FMN2: variants seen among roughly 807,000 people sequenced by gnomAD.
FMN2 encodes formin-2.
FMN2 carries 51 observed loss-of-function variants against 142.3 expected under a neutral mutation model. The ratio of observed to expected loss-of-function variants is 0.36; its 90% confidence interval spans 0.29 to 0.45. The LOEUF is 0.45. Among genes scored for constraint, FMN2 ranks in the 20% least tolerant of loss-of-function variants. FMN2 has a pLI of 1.00. For synonymous variants in FMN2, 882 were observed against 869.8 expected (o/e 1.01, Z -0.25); for missense variants, 1,936 against 2,122.8 (o/e 0.91, Z 1.73).
At chr1:240,233,238 G>A (rs544927236) in intron 6 of FMN2, among the ~76,000 whole-genome samples, 23 of 151,842 alleles carry the variant, frequency 1.5e-4, no homozygotes, top group African/African-American at 4.8e-5. Context: ...AAAATTATCC[G>A]GGCTTGGTGG....
At chr1:240,143,865 T>C (rs1571977978) in intron 2 of FMN2, 2 of 1,586,404 alleles carry the variant, frequency 1.3e-6, no homozygotes, top group East Asian at 2.2e-5. Flanking sequence ...GAATCTCCCA[T>C]CACAGGCAGC....
intron 2 of FMN2, among the ~76,000 whole-genome samples, chr1:240,164,997 G>A (rs1664422289): frequency 6.6e-6 from 1 of 151,714 alleles, no homozygotes; most frequent in Non-Finnish European, 1.5e-5. Context: ...CCATCCTTTT[G>A]ACTCCATTTC....
At chr1:240,165,243 A>G (rs1290011867) in intron 2 of FMN2, among the ~76,000 whole-genome samples, 1 of 152,184 alleles carries the variant, frequency 6.6e-6, no homozygotes, top group African/African-American at 2.4e-5. Context: ...TGGTGCGATC[A>G]TAGCTCACTG....
chr1:240,394,201 C>G (rs1450366908), intron 15 of FMN2, among the ~76,000 whole-genome samples: 1 of 152,078 alleles, frequency 6.6e-6, no homozygotes, highest in Non-Finnish European at 1.5e-5. Flanking sequence ...GTCTTGGAAG[C>G]CTGATGGTTG....
chr1:240,425,333 A>G (rs1255525939), intron 15 of FMN2, among the ~76,000 whole-genome samples: 2 of 152,024 alleles, frequency 1.3e-5, no homozygotes, highest in Non-Finnish European at 2.9e-5. Flanking sequence ...AGAAGCGAAA[A>G]CTCGGTAGGT....
intron 2 of FMN2, chr1:240,144,105 C>T: frequency 8.8e-7 from 1 of 1,135,254 alleles, no homozygotes; most frequent in Non-Finnish European, 1.3e-6. Flanking sequence ...CTGAATGAGG[C>T]CACCATCCAC....
chr1:240,193,678 C>T (rs1161417048), intron 4 of FMN2, among the ~76,000 whole-genome samples: 1 of 152,246 alleles, frequency 6.6e-6, no homozygotes, highest in African/African-American at 2.4e-5. Flanking sequence ...GTTTTGCTTT[C>T]CTTCTCCCGG....
intron 16 of FMN2, chr1:240,472,156 A>G (rs190820262): frequency 7.7e-5 from 37 of 483,358 alleles, no homozygotes; most frequent in South Asian, 6.0e-4. Flanking sequence ...CAATCATACT[A>G]TGATTCCAAG....
At chr1:240,388,569 C>T (rs2103092357) in intron 14 of FMN2, among the ~76,000 whole-genome samples, 1 of 152,040 alleles carries the variant, frequency 6.6e-6, no homozygotes. Flanking sequence ...TGCCCTTGGC[C>T]AGTGATGTCC....
chr1:240,123,857 C>G (rs572354017), intron 2 of FMN2, among the ~76,000 whole-genome samples: 1 of 152,294 alleles, frequency 6.6e-6, no homozygotes, highest in African/African-American at 2.4e-5. Flanking sequence ...TGGCAACAAC[C>G]ATTCTCTTTC....
intron 2 of FMN2, among the ~76,000 whole-genome samples, chr1:240,158,887 A>G (rs1441247099): frequency 6.6e-6 from 1 of 152,140 alleles, no homozygotes; most frequent in Admixed American, 6.6e-5. Flanking sequence ...TATGTTTCAT[A>G]TTGTATTTAT....
At chr1:240,247,632 A>C (rs1459570119) in intron 6 of FMN2, among the ~76,000 whole-genome samples, 5 of 152,224 alleles carry the variant, frequency 3.3e-5, no homozygotes, top group African/African-American at 1.2e-4. Flanking sequence ...TGCAGATATC[A>C]GCATTTTTAG....
In FMN2 at chr1:240,207,022, G is replaced by A; in HGVS notation, c.2210G>A (p.Arg737Lys). The A allele has an allele frequency of 6.2e-7, 1 of 1,614,172 alleles. No homozygotes were observed. Among genetic ancestry groups the A allele is most frequent in the East Asian group, 2.2e-5 (1 of 44,872 alleles). Residue 737 changes from arginine to lysine, a missense_variant, in exon 5 of 18, where the codon AGG becomes AAG. This residue lies in a region of FMN2 where 478 missense variants were observed against 462.8 expected (regional missense o/e 1.03). Coordinates refer to ENST00000319653, the MANE Select transcript of FMN2 (RefSeq NM_020066.5). ...GAAGAAAAGGAAGTACGGCATCATA[G>A]GATTTTAGAGGCGAAATCGATACAG... ...RLEEKEVRHHRILEAKSIQTS... is the reference protein window; with the variant it reads ...RLEEKEVRHHKILEAKSIQTS...
At chr1:240,437,939 C>T in intron 15 of FMN2, 122 bp from the exon 16 acceptor site, 1 of 1,243,286 alleles carries the variant, frequency 8.0e-7, no homozygotes, top group Non-Finnish European at 1.1e-6. Context: ...GCTTGAAGAG[C>T]TTGAGTCCTC....
chr1:240,338,962 G>A (rs570045383), intron 13 of FMN2, among the ~76,000 whole-genome samples: 1 of 152,188 alleles, frequency 6.6e-6, no homozygotes. Context: ...CTCCTAAGGA[G>A]CATTCAACCG....
At chr1:240,140,862 AGAC>A (rs1663152243) in intron 2 of FMN2, among the ~76,000 whole-genome samples, 1 of 152,340 alleles carries the variant, frequency 6.6e-6, no homozygotes, top group East Asian at 1.9e-4. Flanking sequence ...AAACTGAAGA[AGAC>A]AAGTATTTAA....
chr1:240,447,226 T>A (rs1161214613), intron 16 of FMN2, among the ~76,000 whole-genome samples: 2 of 152,178 alleles, frequency 1.3e-5, no homozygotes, highest in Non-Finnish European at 2.9e-5. Context: ...TTAAAAGGAA[T>A]TATTTGTGAA....
chr1:240,289,234 A>G (rs6676007), intron 7 of FMN2, among the ~76,000 whole-genome samples: 20,710 of 152,198 alleles, frequency 0.14, 1,521 homozygotes, highest in African/African-American at 0.19. Context: ...GGGGCCATCA[A>G]GCACAGCCCT....
intron 6 of FMN2, among the ~76,000 whole-genome samples, chr1:240,235,182 C>G (rs895794155): frequency 4.6e-5 from 7 of 152,132 alleles, no homozygotes; most frequent in Non-Finnish European, 1.0e-4. Context: ...AAGATGAAGT[C>G]TAAGATATTG....
Sources: allele counts gnomAD v4.1 joint callset (sites outside exome capture counted in the v4.1 genomes callset), GRCh38; gene constraint gnomAD v4.1.1; regional missense constraint gnomAD v4.1.1; transcripts MANE v1.5; gene names NCBI Gene and HGNC (gene_info 2026-07-23, HGNC 2026-07-21).